Variants in CTNNA3 observed in about 807,000 individuals in gnomAD.
CTNNA3 encodes the protein catenin alpha 3, also known as catenin alpha-3.
A neutral mutation model predicts 95.7 loss-of-function variants in CTNNA3; 76 were observed. The observed-to-expected ratio is 0.79, with a 90% CI of 0.66 to 0.96. The LOEUF is 0.96. Ranked by LOEUF, CTNNA3 falls within the 40% of genes least tolerant of loss-of-function variation. CTNNA3 has a pLI of 0.00. For missense variants in CTNNA3, 1,191 were observed against 1,089.8 expected (o/e 1.09, Z -1.31); for synonymous variants, 431 against 374.4 (o/e 1.15, Z -1.74).
chr10:66,313,965 C>T (rs1250627453), intron 12 of CTNNA3, among the ~76,000 whole-genome samples: 1 of 152,128 alleles, frequency 6.6e-6, no homozygotes, highest in Non-Finnish European at 1.5e-5. Flanking sequence ...ATTTTAATTC[C>T]TGAATTTGAG....
At chr10:66,095,991 G>A (rs1564638109) in intron 14 of CTNNA3, among the ~76,000 whole-genome samples, 2 of 152,028 alleles carry the variant, frequency 1.3e-5, no homozygotes, top group South Asian at 4.1e-4. Context: ...GTAATTTGGG[G>A]TCATCAGTAT....
chr10:66,615,983 T>C (rs147327993), intron 10 of CTNNA3, among the ~76,000 whole-genome samples: 261 of 152,168 alleles, frequency 1.7e-3, no homozygotes, highest in African/African-American at 5.6e-3. Flanking sequence ...AAATGTTTAC[T>C]TTTTCAGTAT....
chr10:66,019,529 G>A (rs866055232), intron 15 of CTNNA3, among the ~76,000 whole-genome samples: 4 of 152,096 alleles, frequency 2.6e-5, no homozygotes, highest in Middle Eastern at 3.4e-3. Flanking sequence ...ATGGGGTTAT[G>A]CCTAAAGTTT....
At chr10:66,070,980 G>A (rs1030311522) in intron 14 of CTNNA3, among the ~76,000 whole-genome samples, 1 of 152,020 alleles carries the variant, frequency 6.6e-6, no homozygotes, top group Non-Finnish European at 1.5e-5. Flanking sequence ...TTTTCTCAGG[G>A]GGAACAATAG....
At chr10:66,683,435 C>T (rs2394293) in intron 9 of CTNNA3, among the ~76,000 whole-genome samples, 83,733 of 151,464 alleles carry the variant, frequency 0.55, 23,840 homozygotes, top group African/African-American at 0.68. Flanking sequence ...TTGTAATGCT[C>T]TCCCAAAGGA....
chr10:67,539,419 A>T (rs1335421744), intron 4 of CTNNA3, 84 bp downstream of exon 4: 3 of 1,436,728 alleles, frequency 2.1e-6, no homozygotes, highest in Non-Finnish European at 2.9e-6. Flanking sequence ...TGAAGCCAAG[A>T]TGCACTAGGA....
chr10:67,015,728 T>G lies in CTNNA3; in HGVS notation c.1047+164589A>C, dbSNP rs535181430. On this transcript the variant is annotated intron_variant, in intron 7 of 17. Coordinates refer to ENST00000433211, the MANE Select transcript of CTNNA3 (RefSeq NM_013266.4). Reference sequence around the variant, plus strand: ...CAATTTTCTTCTTTTTATTTTTTATTTTTATTGATTCATTTTTTTCTGTTC... The same window carrying G: ...CAATTTTCTTCTTTTTATTTTTTATGTTTATTGATTCATTTTTTTCTGTTC... Among the ~76,000 whole-genome samples, 74 of 152,284 alleles carry G rather than the reference T, an allele frequency of 4.9e-4. 1 individual carries two copies. The South Asian group carries it at 0.015, about 31-fold the overall frequency.
intron 9 of CTNNA3, among the ~76,000 whole-genome samples, chr10:66,653,616 T>G (rs1369817148): frequency 6.6e-6 from 1 of 152,084 alleles, no homozygotes; most frequent in East Asian, 1.9e-4. Flanking sequence ...AAAATTCATA[T>G]GCAAGCACAA....
At chr10:67,207,848 G>A (rs1036575991) in intron 6 of CTNNA3, among the ~76,000 whole-genome samples, 5 of 152,112 alleles carry the variant, frequency 3.3e-5, no homozygotes, top group Admixed American at 1.3e-4. Context: ...GGGAAGGCTC[G>A]TCTTTGAAAA....
At chr10:66,806,293 A>G (rs10822917) in intron 7 of CTNNA3, among the ~76,000 whole-genome samples, 107,010 of 136,742 alleles carry the variant, frequency 0.78, 40,571 homozygotes, top group East Asian at 0.99. Context: ...GTGTGTGTGT[A>G]TATATACTCA....
chr10:66,929,876 T>C (rs978867096), intron 7 of CTNNA3, among the ~76,000 whole-genome samples: 1 of 152,202 alleles, frequency 6.6e-6, no homozygotes, highest in Admixed American at 6.5e-5. Context: ...ATTTAGTCTG[T>C]ATTCTCCTTC....
At chr10:67,676,998 A>T (rs1182118594) in intron 1 of CTNNA3, among the ~76,000 whole-genome samples, 1 of 150,670 alleles carries the variant, frequency 6.6e-6, no homozygotes, top group Non-Finnish European at 1.5e-5. Flanking sequence ...GGTCAGAAGA[A>T]CTCTTCCTAA....
chr10:67,178,250 A>G (rs572331988), intron 7 of CTNNA3, among the ~76,000 whole-genome samples: 1 of 152,270 alleles, frequency 6.6e-6, no homozygotes, highest in African/African-American at 2.4e-5. Context: ...CAGTCACTTT[A>G]TAAGTACCTC....
chr10:66,489,413 A>G (rs1839842854), intron 11 of CTNNA3, among the ~76,000 whole-genome samples: 1 of 152,166 alleles, frequency 6.6e-6, no homozygotes, highest in Admixed American at 6.5e-5. Context: ...ATGAAAATAG[A>G]TATCATGGAA....
chr10:66,950,538 A>G (rs1310485721), intron 7 of CTNNA3, among the ~76,000 whole-genome samples: 1 of 152,102 alleles, frequency 6.6e-6, no homozygotes. Flanking sequence ...CAAAATATGT[A>G]TGATATTTGA....
intron 10 of CTNNA3, among the ~76,000 whole-genome samples, chr10:66,569,371 CT>C (rs1842802156): frequency 6.6e-6 from 1 of 152,048 alleles, no homozygotes; most frequent in African/African-American, 2.4e-5. Context: ...GTATTGTATT[CT>C]TTTATGGACT....
chr10:67,489,240 T>C (rs1848565421), intron 5 of CTNNA3, among the ~76,000 whole-genome samples: 1 of 152,230 alleles, frequency 6.6e-6, no homozygotes, highest in South Asian at 2.1e-4. Flanking sequence ...AGTAGTAAAT[T>C]ATTTAAACTC....
At chr10:67,573,139 C>A (rs558021354) in intron 3 of CTNNA3, among the ~76,000 whole-genome samples, 1 of 152,078 alleles carries the variant, frequency 6.6e-6, no homozygotes, top group Non-Finnish European at 1.5e-5. Context: ...TGCTCTCCTA[C>A]GCCTTTTAGA....
chr10:66,344,716 T>A (rs534199067), intron 12 of CTNNA3, among the ~76,000 whole-genome samples: 2 of 152,094 alleles, frequency 1.3e-5, no homozygotes, highest in African/African-American at 4.8e-5. Context: ...TTTATGAAAG[T>A]TTATGATTTC....
Sources: gnomAD v4.1 joint callset for allele counts (sites outside exome capture counted in the v4.1 genomes callset) on GRCh38, gnomAD v4.1.1 for gene constraint, MANE v1.5 for transcripts, NCBI Gene and HGNC (gene_info 2026-07-23, HGNC 2026-07-21) for gene names.